The following C17orf99 variants were observed in gnomAD, a reference collection of about 807,000 sequenced individuals.
The protein encoded by C17orf99 is chromosome 17 open reading frame 99.
Under a neutral mutation model 22.6 loss-of-function variants are expected in C17orf99, and 18 were observed. The ratio of observed to expected loss-of-function variants is 0.80; its 90% CI spans 0.55 to 1.18. The LOEUF (loss-of-function observed/expected upper bound fraction) is 1.18, where lower values mean the gene tolerates loss of function less well. Ranked by LOEUF, C17orf99 falls within the 50% of genes most tolerant of loss-of-function variation. The pLI, the probability that C17orf99 is intolerant of heterozygous loss-of-function variation, is 0.00. For synonymous variants in C17orf99, 147 were observed against 136.6 expected, an observed-to-expected ratio of 1.08 and a Z score of -0.53; for missense variants, 328 against 342.7, an observed-to-expected ratio of 0.96 and a Z score of 0.34.
At chr17:78,158,289 T>C in intron 2 of C17orf99, 1 of 442,178 alleles carries the variant, frequency 2.3e-6, no homozygotes, top group Non-Finnish European at 4.3e-6. Context: ...GCTGCTGGAC[T>C]CCTCCTACAC....
chr17:78,153,782 T>C (rs2075503933), intron 2 of C17orf99, among the ~76,000 whole-genome samples: 1 of 152,212 alleles, frequency 6.6e-6, no homozygotes, highest in Non-Finnish European at 1.5e-5. Context: ...AGGGTCAAAT[T>C]GACTAAAGAA....
intron 4 of C17orf99, chr17:78,165,164 G>A: frequency 9.9e-7 from 1 of 1,005,150 alleles, no homozygotes; most frequent in Non-Finnish European, 1.2e-6. Flanking sequence ...TCTGAGTGCA[G>A]GCACCACAGG....
rs1449501405 is a variant in C17orf99, at chr17:78,146,968, A to T, written c.70+57A>T. The T allele has an allele frequency of 2.6e-5, 38 of 1,488,716 alleles. No homozygotes were observed. Among genetic ancestry groups the T allele is most frequent in the Non-Finnish European group, 3.4e-5 (37 of 1,090,128 alleles). 92.2% of individuals were successfully genotyped at this position (1,488,716 alleles called of 1,614,324 possible). A position where few individuals can be genotyped will look rare whatever the true frequency, so the allele number is the denominator to read the frequency against. On this transcript the variant is annotated intron_variant, in intron 2 of 4. Coordinates refer to ENST00000340363, the MANE Select transcript of C17orf99 (RefSeq NM_001163075.2). The surrounding 1 kb of genome is among the most constrained non-coding windows in gnomAD (Gnocchi z 5.2). ...CCCCCAGCTGGGACCCTGGTGTCAG[A>T]ACCCCCATGGTGGAGGGCGCCTCGG...
Position 78,148,778 on chromosome 17 carries a change from G to A in C17orf99, c.70+1867G>A, listed in dbSNP as rs180828214. On this transcript the variant is annotated intron_variant, in intron 2 of 4. Coordinates refer to ENST00000340363, the MANE Select transcript of C17orf99 (RefSeq NM_001163075.2). Reference sequence around the variant, plus strand: ...TCAGAGGCATGGTGTGGGGTTGGCCGGGGAGGGCCCTGTGGGGCGCAGCCA... The same window carrying A: ...TCAGAGGCATGGTGTGGGGTTGGCCAGGGAGGGCCCTGTGGGGCGCAGCCA... Among the ~76,000 whole-genome samples the A allele has an allele frequency of 1.5e-4, 23 of 152,320 alleles. No individual in the cohort carries two copies. The East Asian group carries it at 3.5e-3, about 23-fold the overall frequency.
At chr17:78,160,652 C>T in intron 2 of C17orf99, 1 of 367,714 alleles carries the variant, frequency 2.7e-6, no homozygotes. Flanking sequence ...TCTCGGCTCA[C>T]TGCCACCTGC....
intron 2 of C17orf99, chr17:78,157,355 C>G (rs1473064891): frequency 1.1e-6 from 1 of 931,726 alleles, no homozygotes; most frequent in Non-Finnish European, 1.5e-6. Flanking sequence ...GCGGTGGGCT[C>G]GGAGGCTCAC....
intron 2 of C17orf99, chr17:78,157,360 G>A (rs1188401242): frequency 4.1e-6 from 4 of 982,596 alleles, no homozygotes; most frequent in African/African-American, 3.4e-5. Context: ...GGGCTCGGAG[G>A]CTCACAGCCA....
intron 2 of C17orf99, among the ~76,000 whole-genome samples, chr17:78,150,798 G>C (rs2075475888): frequency 6.6e-6 from 1 of 152,094 alleles, no homozygotes. Flanking sequence ...GGATACAGGG[G>C]ATTTTGATTC....
At chr17:78,147,181 G>A (rs1008715348) in intron 2 of C17orf99, among the ~76,000 whole-genome samples, 1 of 152,202 alleles carries the variant, frequency 6.6e-6, no homozygotes, top group Non-Finnish European at 1.5e-5. Context: ...GGGCTGTTTG[G>A]AGGGAAGATT....
intron 2 of C17orf99, chr17:78,160,002 T>C: frequency 2.2e-6 from 1 of 448,586 alleles, no homozygotes; most frequent in South Asian, 1.6e-5. Context: ...ACCATTTGGC[T>C]GTGGTGAATC....
intron 2 of C17orf99, among the ~76,000 whole-genome samples, chr17:78,155,116 C>A (rs973413838): frequency 7.2e-6 from 1 of 139,054 alleles, no homozygotes; most frequent in Non-Finnish European, 1.5e-5. Context: ...ATGTCAGCAG[C>A]AACCCCTATT....
chr17:78,158,117 C>G, intron 2 of C17orf99: 1 of 857,884 alleles, frequency 1.2e-6, no homozygotes, highest in Non-Finnish European at 1.9e-6. Context: ...AGAGACTGAG[C>G]AGAAGTACAG....
At chr17:78,146,288 C>A, upstream of C17orf99, 1 of 879,272 alleles carries the variant, frequency 1.1e-6, no homozygotes, top group Non-Finnish European at 1.7e-6. The surrounding 1 kb of genome is among the most constrained non-coding windows in gnomAD (Gnocchi z 5.2). Flanking sequence ...GCTGCGGCCT[C>A]CAGGTTATCT....
rs528912120 is a variant in C17orf99, at chr17:78,160,745, G to A, written c.71-210G>A. The A allele has an allele frequency of 1.5e-4, 85 of 565,842 alleles. No individual in the cohort carries two copies. The East Asian group carries it at 2.3e-3, about 15-fold the overall frequency. The allele number at this position is 565,842 out of a possible 1,614,324, so 35.1% of individuals were successfully genotyped here. A position where few individuals can be genotyped will look rare whatever the true frequency, so the allele number is the denominator to read the frequency against. ...ATTACAGGTGGGCACCACCACGCCC[G>A]GCTAATTTTTGTATTTTAGTAGAGA... On this transcript the variant is annotated intron_variant, in intron 2 of 4. Coordinates refer to ENST00000340363, the MANE Select transcript of C17orf99 (RefSeq NM_001163075.2).
chr17:78,157,567 G>A (rs2075537015), intron 2 of C17orf99: 1 of 703,712 alleles, frequency 1.4e-6, no homozygotes, highest in Admixed American at 2.7e-5. Context: ...GGAAGACCGA[G>A]GCAGGCGGAT....
chr17:78,159,505 G>C (rs565239884), intron 2 of C17orf99, among the ~76,000 whole-genome samples: 1 of 151,852 alleles, frequency 6.6e-6, no homozygotes, highest in South Asian at 2.1e-4. Flanking sequence ...CAGGCGTAGT[G>C]GTGGGTGCCT....
Position 78,164,087 on chromosome 17 carries a change from C to G in C17orf99, c.371-8C>G. 2.6e-6 allele frequency: 4 copies of G among 1,551,390 alleles called. No homozygotes were observed. Among genetic ancestry groups the G allele is most frequent in the Non-Finnish European group, 3.5e-6 (4 of 1,146,728 alleles). ...CCATGCCTGTGCTACCTTCTCCCAC[C>G]CTGCCAGAGCCAGTGTCTGAGCTGC... is the stretch of plus-strand genomic sequence containing the variant. On this transcript the variant is annotated splice_polypyrimidine_tract_variant and splice_region_variant and intron_variant, in intron 3 of 4. Coordinates refer to ENST00000340363, the MANE Select transcript of C17orf99 (RefSeq NM_001163075.2).
intron 3 of C17orf99, 124 bp downstream of exon 3, chr17:78,161,378 A>G: frequency 2.4e-6 from 2 of 846,520 alleles, no homozygotes; most frequent in Non-Finnish European, 3.6e-6. Flanking sequence ...GGGTGTGGAC[A>G]AGGACAGGCT....
intron 3 of C17orf99, among the ~76,000 whole-genome samples, chr17:78,162,091 C>T (rs747866134): frequency 2.6e-5 from 4 of 151,768 alleles, no homozygotes; most frequent in East Asian, 3.9e-4. Flanking sequence ...GTCTGGCCAA[C>T]GTAGTGAAAC....
Sources: gnomAD v4.1 joint callset for allele counts (sites outside exome capture counted in the v4.1 genomes callset) on GRCh38, gnomAD v4.1.1 for gene constraint, Gnocchi (gnomAD v3.1) non-coding constraint, MANE v1.5 for transcripts, NCBI Gene and HGNC (gene_info 2026-07-23, HGNC 2026-07-21) for gene names.